The following GASK1A variants were observed in gnomAD, a reference collection of about 807,000 sequenced individuals.
The protein encoded by GASK1A is Golgi-associated kinase 1A.
A neutral mutation model predicts 41.2 loss-of-function variants in GASK1A; 40 were observed. That is an observed-to-expected ratio of 0.97 (90% CI 0.75 to 1.27). GASK1A has a LOEUF of 1.27. GASK1A is among the 50% of genes most tolerant of loss of function. The pLI is 0.00. For missense variants in GASK1A, 678 were observed against 745.1 expected (o/e 0.91, Z 1.05); for synonymous variants, 316 against 307.1 (o/e 1.03, Z -0.30).
intron 1 of GASK1A, among the ~76,000 whole-genome samples, chr3:43,031,695 T>C (rs533777): frequency 0.97 from 147,169 of 152,326 alleles, 71,304 homozygotes; most frequent in East Asian, 1. Flanking sequence ...CCAGGGTGGC[T>C]AACTTCCTTT....
chr3:43,044,411 G>T (rs79913336), intron 2 of GASK1A, among the ~76,000 whole-genome samples: 1,674 of 152,150 alleles, frequency 0.011, 29 homozygotes, highest in African/African-American at 0.039. Context: ...GTGCTTTTTC[G>T]GAGGGAACCA....
chr3:43,056,245 G>C lies in GASK1A; in HGVS notation c.1587G>C (p.Gln529His). The stretch of plus-strand genomic sequence containing the variant: ...AGAACATGCTGCTGAAGTCGCTGCA[G>C]ATGGACCCAGTGTTCTGGGAAAGCC... Reference protein sequence around the residue: ...CLQNMLLKSLQMDPVFWESQG... With the variant: ...CLQNMLLKSLHMDPVFWESQG... The change falls in exon 5 of 5, where the codon CAG becomes CAC. Residue 529 changes from glutamine to histidine, a missense_variant. Coordinates refer to ENST00000430121, the MANE Select transcript of GASK1A (RefSeq NM_001129908.3). The C allele has an allele frequency of 6.4e-7, 1 of 1,551,752 alleles. No homozygotes were observed. Among genetic ancestry groups the C allele is most frequent in the Non-Finnish European group, 8.7e-7 (1 of 1,147,008 alleles).
intron 1 of GASK1A, among the ~76,000 whole-genome samples, chr3:43,022,247 TC>T (rs949789602): frequency 2.6e-5 from 4 of 152,212 alleles, no homozygotes; most frequent in Non-Finnish European, 5.9e-5. Flanking sequence ...GCTTTTCTTT[TC>T]CCAAAGCTTT....
At chr3:43,044,559 A>G (rs2089652828) in intron 2 of GASK1A, among the ~76,000 whole-genome samples, 1 of 152,172 alleles carries the variant, frequency 6.6e-6, no homozygotes, top group Admixed American at 6.5e-5. Context: ...AAACTGAGGC[A>G]CAGCAAGATT....
intron 1 of GASK1A, among the ~76,000 whole-genome samples, chr3:43,010,258 G>A (rs2089456841): frequency 6.6e-6 from 1 of 152,140 alleles, no homozygotes; most frequent in African/African-American, 2.4e-5. Context: ...GGTGAAGGAG[G>A]GAGTCTGAAA....
At chr3:42,995,838 T>G (rs1049182915) in intron 1 of GASK1A, among the ~76,000 whole-genome samples, 3 of 152,200 alleles carry the variant, frequency 2.0e-5, no homozygotes. Flanking sequence ...ACTTACTTTA[T>G]TTTTCAGCAG....
At chr3:43,045,392 T>A (rs2089657153) in intron 2 of GASK1A, among the ~76,000 whole-genome samples, 2 of 152,326 alleles carry the variant, frequency 1.3e-5, no homozygotes. Context: ...TTTTATATTA[T>A]GACAGACAAG....
In GASK1A at chr3:43,006,745, A is replaced by G. The variant is rs144973183; in HGVS notation, c.4-25522A>G. 2.7e-3 allele frequency among the ~76,000 whole-genome samples: 413 copies of G among 152,330 alleles called. 3 individuals carry two copies. The highest frequency in any genetic ancestry group is 9.4e-3 in the African/African-American group (391 of 41,572). ...GGCTTATGTGCTGTTATTTGGGAGT[A>G]CAATCTCAGGAAACACCCAAAGAGA... On this transcript the variant is annotated intron_variant, in intron 1 of 4. Transcript: ENST00000430121.
intron 1 of GASK1A, among the ~76,000 whole-genome samples, chr3:43,024,111 T>C (rs1264532197): frequency 1.3e-5 from 2 of 152,148 alleles, no homozygotes; most frequent in African/African-American, 4.8e-5. Context: ...AGGGAAGGAC[T>C]GCCCCTCCGA....
intron 2 of GASK1A, among the ~76,000 whole-genome samples, chr3:43,043,274 A>T (rs2089646799): frequency 6.6e-6 from 1 of 152,082 alleles, no homozygotes; most frequent in Middle Eastern, 3.4e-3. Context: ...GCTCTTCTGG[A>T]CTCTACCAGA....
chr3:43,004,970 C>T (rs1455911727), intron 1 of GASK1A, among the ~76,000 whole-genome samples: 6 of 152,220 alleles, frequency 3.9e-5, no homozygotes, highest in African/African-American at 1.2e-4. Flanking sequence ...TTCCTTGCCA[C>T]CTCTATCCTT....
intron 1 of GASK1A, among the ~76,000 whole-genome samples, chr3:43,000,480 AAG>A (rs2089403167): frequency 6.6e-6 from 1 of 152,232 alleles, no homozygotes; most frequent in Non-Finnish European, 1.5e-5. Flanking sequence ...CTTGATGCTA[AAG>A]AGAGAGATGA....
rs1234273914 is a variant in GASK1A at position 43,033,006 on chromosome 3, T to G, written c.743T>G (p.Leu248Trp). 6.4e-7 allele frequency: 1 copy of G among 1,551,562 alleles called. No homozygotes were observed. Among genetic ancestry groups the G allele is most frequent in the Non-Finnish European group, 8.7e-7 (1 of 1,146,976 alleles). Reference sequence around the variant, plus strand: ...GTATGGTGTGATGCTGAGACGCTGTTGAGCAGCTCGAGGACTGGTGGGCAG... The same window carrying G: ...GTATGGTGTGATGCTGAGACGCTGTGGAGCAGCTCGAGGACTGGTGGGCAG... ...GSVWCDAETL[L>W]SSSRTGGQAP... Residue 248 changes from leucine (L) to tryptophan (W), a missense_variant, in exon 2 of 5, where the codon TTG becomes TGG. By Grantham distance (61) the Leu-to-Trp change is moderately conservative (BLOSUM62 -2). Coordinates refer to ENST00000430121, the MANE Select transcript of GASK1A (RefSeq NM_001129908.3).
chr3:42,999,247 G>T (rs892388650), intron 1 of GASK1A, among the ~76,000 whole-genome samples: 1 of 152,168 alleles, frequency 6.6e-6, no homozygotes, highest in Admixed American at 6.5e-5. Context: ...AAGGCAATGC[G>T]TGCATTGTTG....
chr3:42,993,960 G>A (rs1024798978), intron 1 of GASK1A, among the ~76,000 whole-genome samples: 2 of 152,112 alleles, frequency 1.3e-5, no homozygotes, highest in Non-Finnish European at 2.9e-5. Flanking sequence ...ACTATTGTAT[G>A]AGACCCATTT....
At chr3:43,031,481 C>T (rs2089575490) in intron 1 of GASK1A, among the ~76,000 whole-genome samples, 1 of 152,198 alleles carries the variant, frequency 6.6e-6, no homozygotes, top group Non-Finnish European at 1.5e-5. Flanking sequence ...GATACTGATA[C>T]TGCTGGTCCC....
intron 1 of GASK1A, among the ~76,000 whole-genome samples, chr3:43,006,952 G>C (rs1009826165): frequency 6.6e-6 from 1 of 151,884 alleles, no homozygotes; most frequent in African/African-American, 2.4e-5. Context: ...CTCGACATAA[G>C]TTTCCCTATA....
chr3:43,000,288 A>T (rs2089402362), intron 1 of GASK1A, among the ~76,000 whole-genome samples: 1 of 152,216 alleles, frequency 6.6e-6, no homozygotes, highest in Non-Finnish European at 1.5e-5. Flanking sequence ...ATCAGTAGTT[A>T]CTAGATATTT....
At chr3:43,000,161 C>T (rs1018075092) in intron 1 of GASK1A, among the ~76,000 whole-genome samples, 2 of 152,194 alleles carry the variant, frequency 1.3e-5, no homozygotes, top group Non-Finnish European at 2.9e-5. Flanking sequence ...TTGAGGACCA[C>T]GTGTTCTTAC....
Sources: allele counts gnomAD v4.1 joint callset (sites outside exome capture counted in the v4.1 genomes callset), GRCh38; gene constraint gnomAD v4.1.1; transcripts MANE v1.5; gene names NCBI Gene and HGNC (gene_info 2026-07-23, HGNC 2026-07-21).